Variants in ADGRE3 observed in about 807,000 individuals in gnomAD.
The protein encoded by ADGRE3 is adhesion G protein-coupled receptor E3.
In ADGRE3, 88 loss-of-function variants were observed where a neutral mutation model predicts 80.1. The observed-to-expected ratio is 1.10, with a 90% CI of 0.93 to 1.31. The LOEUF is 1.31. Among genes scored for constraint, ADGRE3 ranks in the 40% most tolerant of loss-of-function variants. The probability of loss-of-function intolerance (pLI) is 0.00; values close to 1 mark genes in which losing one functional copy is unlikely to be tolerated. For synonymous variants in ADGRE3, 281 were observed against 294.8 expected (o/e 0.95, Z 0.48); for missense variants, 715 against 776.5 (o/e 0.92, Z 0.94).
the ADGRE3 span, among the ~76,000 whole-genome samples, chr19:14,602,741 GT>G: frequency 5.2e-4 from 75 of 145,110 alleles, no homozygotes; most frequent in East Asian, 2.6e-3. Context: ...TAGTTAAACA[GT>G]TTTTTTTTTT....
rs750804682 is a variant in ADGRE3, at chr19:14,625,547, T to G, written c.1865A>C (p.Glu622Ala). Residue 622 changes from glutamate (E) to alanine (A), a missense_variant, in exon 15 of 16, where the codon GAG (glutamate) becomes GCG (alanine). Transcript: ENST00000253673. ...WFREIVKSKSESETYTLSSKM... is the reference protein window; with the variant it reads ...WFREIVKSKSASETYTLSSKM... ...GCTGGAAAGTGTGTATGTCTCAGAC[T>G]CAGATTTTGATTTTACGATCTCTCT... is the stretch of plus-strand genomic sequence containing the variant. The G allele has an allele frequency of 6.2e-7, 1 of 1,614,044 alleles. No individual in the cohort carries two copies.
At position 14,647,340 on chromosome 19, in the gene ADGRE3, T is replaced by C; in HGVS notation, c.723A>G (p.Ser241=). Reference sequence around the variant, plus strand: ...TTATGATGTTTCCAAGAGAAGAATATGAGATAAAGGCAATGGCACTGGGAC... The same window carrying C: ...TTATGATGTTTCCAAGAGAAGAATACGAGATAAAGGCAATGGCACTGGGAC... The part of the protein sequence containing the change: ...TQGPSAIAFI[S]YSSLGNIINA... Residue 241 remains serine (S), a synonymous_variant, in exon 8 of 16, where the codon TCA becomes TCG. Transcript: ENST00000253673. 6.2e-7 allele frequency: 1 copy of C among 1,610,346 alleles called. No individual in the cohort carries two copies. Among genetic ancestry groups the C allele is most frequent in the Non-Finnish European group, 8.5e-7 (1 of 1,176,696 alleles).
the ADGRE3 span, among the ~76,000 whole-genome samples, chr19:14,609,481 G>T: frequency 6.6e-6 from 1 of 152,190 alleles, no homozygotes; most frequent in Non-Finnish European, 1.5e-5. Flanking sequence ...CTAGAAGGTT[G>T]GGTTGGGAGG....
chr19:14,661,519 A>T (rs1971943628), intron 4 of ADGRE3, among the ~76,000 whole-genome samples: 1 of 152,142 alleles, frequency 6.6e-6, no homozygotes, highest in Admixed American at 6.6e-5. Context: ...CTCAATCACC[A>T]CCTTGTCACA....
the ADGRE3 span, among the ~76,000 whole-genome samples, chr19:14,608,628 ATTTT>A: frequency 1.5e-3 from 181 of 119,720 alleles, 2 homozygotes; most frequent in African/African-American, 5.2e-3. Flanking sequence ...ATGAGGAAGA[ATTTT>A]TTTTTTTTTT....
chr19:14,674,825 G>A lies in ADGRE3; in HGVS notation c.-55C>T, dbSNP rs549593199. ...AGCCCTGGAAGCTCTCTACTGTGCCGTAAGCCAACCACCTTTCCTAGCTCA... is the reference window on the plus strand; with the variant it reads ...AGCCCTGGAAGCTCTCTACTGTGCCATAAGCCAACCACCTTTCCTAGCTCA... On this transcript the variant is annotated 5_prime_UTR_variant, in exon 1 of 16. The change creates a new upstream start codon in the 5' untranslated region. Transcript: ENST00000253673. 2.9e-4 allele frequency: 464 copies of A among 1,582,552 alleles called. 2 individuals are homozygous for A. The highest frequency in any genetic ancestry group is 8.2e-4 in the Admixed American group (46 of 56,020).
chr19:14,646,696 CTT>C (rs1310962757), intron 8 of ADGRE3, among the ~76,000 whole-genome samples: 13 of 127,638 alleles, frequency 1.0e-4, no homozygotes, highest in African/African-American at 3.4e-4. Context: ...TCCCTCCCTC[CTT>C]CCTTCCTTCC....
At chr19:14,629,996 A>G (rs936650878) in intron 14 of ADGRE3, 43 bp downstream of exon 14, 2 of 1,419,736 alleles carry the variant, frequency 1.4e-6, no homozygotes, top group African/African-American at 3.1e-5. Context: ...CATTTCCAAA[A>G]TTTTCTTAAG....
At chr19:14,616,507 C>A (rs1361574847), downstream of ADGRE3, among the ~76,000 whole-genome samples, 5 of 151,534 alleles carry the variant, frequency 3.3e-5, no homozygotes, top group Non-Finnish European at 7.4e-5. Context: ...CCCGGGTAAA[C>A]CAGAATGAAT....
At chr19:14,646,802 G>C (rs893380689) in intron 8 of ADGRE3, among the ~76,000 whole-genome samples, 1 of 149,448 alleles carries the variant, frequency 6.7e-6, no homozygotes, top group Non-Finnish European at 1.5e-5. Context: ...ACAGTGTCTT[G>C]CTCTGTGCCC....
intron 10 of ADGRE3, among the ~76,000 whole-genome samples, chr19:14,640,069 T>A (rs1223625945): frequency 1.3e-5 from 2 of 152,168 alleles, no homozygotes; most frequent in African/African-American, 2.4e-5. Flanking sequence ...CACACATAAG[T>A]GAGATCATGC....
intron 2 of ADGRE3, among the ~76,000 whole-genome samples, chr19:14,666,071 C>T (rs1972099589): frequency 6.8e-6 from 1 of 147,176 alleles, no homozygotes; most frequent in South Asian, 2.1e-4. Context: ...CATGCTTGTG[C>T]AAGTATGTTT....
chr19:14,647,590 G>A (rs1192567081), intron 7 of ADGRE3, among the ~76,000 whole-genome samples: 1 of 150,936 alleles, frequency 6.6e-6, no homozygotes, highest in East Asian at 2.0e-4. Context: ...CTAATTTTTT[G>A]TCTTTTTAGT....
intron 4 of ADGRE3, among the ~76,000 whole-genome samples, chr19:14,661,553 C>G (rs1052769848): frequency 2.0e-5 from 3 of 152,176 alleles, no homozygotes; most frequent in African/African-American, 4.8e-5. Flanking sequence ...AACTATAGTT[C>G]CCTTTCTCAC....
At chr19:14,629,187 G>T (rs1178170195) in intron 14 of ADGRE3, among the ~76,000 whole-genome samples, 1 of 152,202 alleles carries the variant, frequency 6.6e-6, no homozygotes, top group African/African-American at 2.4e-5. Flanking sequence ...GCCTCCCAAA[G>T]TGCTGGGATT....
chr19:14,618,027 A>G (rs989638660), downstream of ADGRE3, among the ~76,000 whole-genome samples: 24 of 151,890 alleles, frequency 1.6e-4, no homozygotes, highest in Non-Finnish European at 3.5e-4. Flanking sequence ...TAATTTTTTT[A>G]TTTTTTGCAA....
chr19:14,627,331 G>A (rs763118067), intron 14 of ADGRE3, among the ~76,000 whole-genome samples: 11 of 152,120 alleles, frequency 7.2e-5, no homozygotes, highest in Non-Finnish European at 1.3e-4. Context: ...CACAAACAAT[G>A]AGTGCTTATA....
the ADGRE3 span, among the ~76,000 whole-genome samples, chr19:14,604,259 C>T: frequency 5.5e-4 from 84 of 152,166 alleles, no homozygotes; most frequent in African/African-American, 2.0e-3. Context: ...GGGTTTTTAC[C>T]ATCACCTGAA....
At chr19:14,662,745 C>T (rs1387879612) in intron 3 of ADGRE3, among the ~76,000 whole-genome samples, 1 of 151,902 alleles carries the variant, frequency 6.6e-6, no homozygotes, top group Non-Finnish European at 1.5e-5. Context: ...CATTTTGCCT[C>T]CCTTTTGCTC....
Sources: gnomAD v4.1 joint callset for allele counts (sites outside exome capture counted in the v4.1 genomes callset) on GRCh38, gnomAD v4.1.1 for gene constraint, MANE v1.5 for transcripts, NCBI Gene and HGNC (gene_info 2026-07-23, HGNC 2026-07-21) for gene names.